The following DERL2 variants were observed in gnomAD, a reference collection of about 807,000 sequenced individuals.
The protein encoded by DERL2 is derlin-2.
DERL2 carries 13 observed loss-of-function variants against 32.0 expected under a neutral mutation model. That is an observed-to-expected ratio of 0.41 (90% CI 0.26 to 0.65). The LOEUF (loss-of-function observed/expected upper bound fraction) is 0.65. Ranked by LOEUF, DERL2 falls within the 30% of genes least tolerant of loss-of-function variation. DERL2 has a pLI of 0.35. For synonymous variants in DERL2, 111 were observed against 104.7 expected (o/e 1.06, Z -0.37); for missense variants, 208 against 296.3 (o/e 0.70, Z 2.19).
chr17:5,482,739 A>G, intron 3 of DERL2, 70 bp downstream of exon 3: 6 of 892,280 alleles, frequency 6.7e-6, no homozygotes, highest in South Asian at 4.5e-5. Context: ...TAACAGGATG[A>G]AAAGTTTCAA....
At chr17:5,486,009 T>C in intron 1 of DERL2, 60 bp downstream of exon 1, 1 of 1,509,534 alleles carries the variant, frequency 6.6e-7, no homozygotes, top group East Asian at 2.4e-5. Flanking sequence ...AACCCCAGTT[T>C]CCTGAAGACC....
intron 1 of DERL2, 27 bp downstream of exon 1, chr17:5,486,042 T>C (rs2151713477): frequency 6.3e-7 from 1 of 1,597,478 alleles, no homozygotes; most frequent in Non-Finnish European, 8.5e-7. Flanking sequence ...GCCCAGATAA[T>C]GAGAAGGTGG....
At chr17:5,486,187 C>G (rs1309207249), upstream of DERL2, 2 of 1,109,584 alleles carry the variant, frequency 1.8e-6, no homozygotes, top group Non-Finnish European at 2.4e-6. Flanking sequence ...CTGCCCCACC[C>G]CCCACCCACC....
chr17:5,481,155 A>T lies in DERL2; in HGVS notation c.327+141T>A. Reference sequence around the variant, plus strand: ...TCCTGTCCGACTGCTAGGTTTGGAAACTTGTCACAGAAAATGTGCTGTAAA... The same window carrying T: ...TCCTGTCCGACTGCTAGGTTTGGAATCTTGTCACAGAAAATGTGCTGTAAA... On this transcript the variant is annotated intron_variant, in intron 4 of 6. Transcript: ENST00000158771. The surrounding 1 kb of genome is among the most constrained non-coding windows in gnomAD (Gnocchi z 4.4). The T allele has an allele frequency of 4.1e-6, 3 of 728,148 alleles. No homozygotes were observed. Among genetic ancestry groups the T allele is most frequent in the Non-Finnish European group, 7.1e-6 (3 of 419,884 alleles). 45.1% of individuals were successfully genotyped at this position (728,148 alleles called of 1,614,324 possible).
Position 5,481,170 on chromosome 17 carries a change from T to G in DERL2, c.327+126A>C. ...AGGTTTGGAAACTTGTCACAGAAAA[T>G]GTGCTGTAAAATAAATGATAGTGCC... On this transcript the variant is annotated intron_variant, in intron 4 of 6. Coordinates refer to ENST00000158771, the MANE Select transcript of DERL2 (RefSeq NM_016041.5). The surrounding 1 kb of genome is among the most constrained non-coding windows in gnomAD (Gnocchi z 4.4). 1 of 760,612 alleles carries G rather than the reference T, an allele frequency of 1.3e-6. No individual in the cohort carries two copies. Among genetic ancestry groups the G allele is most frequent in the Non-Finnish European group, 2.3e-6 (1 of 443,250 alleles). The allele number at this position is 760,612 out of a possible 1,614,324, so 47.1% of individuals were successfully genotyped here. A position where few individuals can be genotyped will look rare whatever the true frequency, so the allele number is the denominator to read the frequency against.
intron 1 of DERL2, 142 bp downstream of exon 1, chr17:5,485,927 G>C: frequency 1.6e-6 from 1 of 610,030 alleles, no homozygotes. Context: ...GCGCCAACTC[G>C]AACCCCAGAG....
Position 5,474,760 on chromosome 17 carries a change from T to A in DERL2, c.644A>T (p.Asp215Val). ...LKAIFDTPDE[D>V]PNYNPLPEER... ...CTCAGGTAGTGGATTGTAATTTGGA[T>A]CCTCATCTGGTGTATCAAAAATAGC... is the stretch of plus-strand genomic sequence containing the variant. Residue 215 changes from aspartate to valine, a missense_variant, in exon 7 of 7, where the codon GAT (aspartate) becomes GTT (valine). Physicochemically the swap from Asp to Val is radical, Grantham distance 152. Around this residue, in one of 3 missense-constraint regions of DERL2, gnomAD observed 40 missense variants for 38.7 expected, o/e 1.03. Transcript: ENST00000158771. The surrounding 1 kb of genome is among the most constrained non-coding windows in gnomAD (Gnocchi z 4.3). 6.2e-7 allele frequency: 1 copy of A among 1,613,894 alleles called. No individual in the cohort carries two copies. Among genetic ancestry groups the A allele is most frequent in the South Asian group, 1.1e-5 (1 of 91,040 alleles).
At chr17:5,476,755 TG>T (rs1905413339) in intron 6 of DERL2, among the ~76,000 whole-genome samples, 1 of 152,122 alleles carries the variant, frequency 6.6e-6, no homozygotes, top group Non-Finnish European at 1.5e-5. Flanking sequence ...CACTCAAGCC[TG>T]GGTGACAGAG....
rs1905291709 is a variant in DERL2 at position 5,474,929 on chromosome 17, G to GT, written c.615-141dup. 2.1e-6 allele frequency: 1 copy of GT among 484,614 alleles called. No homozygotes were observed. Among genetic ancestry groups the GT allele is most frequent in the Admixed American group, 4.2e-5 (1 of 24,084 alleles). 30.0% of individuals were successfully genotyped at this position (484,614 alleles called of 1,614,324 possible). On this transcript the variant is annotated intron_variant, in intron 6 of 6. Transcript: ENST00000158771. This position sits in a 1 kb window ranked among gnomAD's most constrained non-coding sequence, Gnocchi z 4.3. ...CTGCCAATTAAACAGTTAACATATT[G>GT]TAAGAGCATCTATAATTATTAACAT...
intron 6 of DERL2, among the ~76,000 whole-genome samples, chr17:5,479,539 TC>T (rs1299178825): frequency 1.1e-5 from 1 of 92,594 alleles, no homozygotes; most frequent in Non-Finnish European, 2.5e-5. Flanking sequence ...AAGAAAGAAA[TC>T]AAAGTTCTAT....
In DERL2 at chr17:5,472,831, G is replaced by T. The variant is rs1433607120; in HGVS notation, c.*1853C>A. ...CAAACGTCACTGATAAAGCGTTCTT[G>T]AGCAAAAACAAGATAGGATAAAACT... On this transcript the variant is annotated 3_prime_UTR_variant, in exon 7 of 7. Coordinates refer to ENST00000158771, the MANE Select transcript of DERL2 (RefSeq NM_016041.5). 6.6e-6 allele frequency: 1 copy of T among 151,116 alleles called. No homozygotes were observed. Among genetic ancestry groups the T allele is most frequent in the African/African-American group, 2.4e-5 (1 of 41,168 alleles). The allele number at this position is 151,116 out of a possible 1,614,324, so 9.4% of individuals were successfully genotyped here. A position where few individuals can be genotyped will look rare whatever the true frequency, so the allele number is the denominator to read the frequency against.
At chr17:5,476,548 G>A (rs950210497) in intron 6 of DERL2, among the ~76,000 whole-genome samples, 2 of 152,132 alleles carry the variant, frequency 1.3e-5, no homozygotes, top group East Asian at 3.9e-4. Flanking sequence ...TTGGGAGGCC[G>A]AGGAGGGTGG....
At position 5,473,088 on chromosome 17, in the gene DERL2, A is replaced by G. The variant is rs1905193902; in HGVS notation, c.*1596T>C. The G allele has an allele frequency of 6.6e-6, 1 of 152,248 alleles. No homozygotes were observed. The highest frequency in any genetic ancestry group is 2.4e-5 in the African/African-American group (1 of 41,464). 9.4% of individuals were successfully genotyped at this position (152,248 alleles called of 1,614,324 possible). On this transcript the variant is annotated 3_prime_UTR_variant, in exon 7 of 7. Coordinates refer to ENST00000158771, the MANE Select transcript of DERL2 (RefSeq NM_016041.5). Reference sequence around the variant, plus strand: ...AACAATCTGAAAATTCCTATTTAGGATGTCCATTATGTTTAAGCCTATGTC... The same window carrying G: ...AACAATCTGAAAATTCCTATTTAGGGTGTCCATTATGTTTAAGCCTATGTC...
At chr17:5,485,416 A>G (rs560251131) in intron 1 of DERL2, among the ~76,000 whole-genome samples, 200 bp from the exon 2 acceptor site, 2 of 152,206 alleles carry the variant, frequency 1.3e-5, no homozygotes, top group East Asian at 1.9e-4. Context: ...CTCAATACCT[A>G]ACACAAAAAA....
upstream of DERL2, chr17:5,486,702 G>C (rs1906351782): frequency 6.5e-6 from 1 of 152,750 alleles, no homozygotes; most frequent in Non-Finnish European, 1.5e-5. Flanking sequence ...CTGCGGGGCA[G>C]CATTTTCTCT....
chr17:5,484,925 T>C (rs1487790863), intron 2 of DERL2, among the ~76,000 whole-genome samples: 1 of 152,256 alleles, frequency 6.6e-6, no homozygotes, highest in Non-Finnish European at 1.5e-5. Context: ...TTGCAAATTC[T>C]GATTTGGTAC....
At position 5,481,642 on chromosome 17, in the gene DERL2, C is replaced by G. The variant is rs770047616; in HGVS notation, c.234-253G>C. Among the ~76,000 whole-genome samples the G allele has an allele frequency of 1.3e-5, 2 of 151,770 alleles. No homozygotes were observed. Among genetic ancestry groups the G allele is most frequent in the Non-Finnish European group, 2.9e-5 (2 of 67,954 alleles). Reference sequence around the variant, plus strand: ...GATGACACACAGACATGCTTTCAGTCCCCTATTCTTTTTTTTTTTTCTTTT... The same window carrying G: ...GATGACACACAGACATGCTTTCAGTGCCCTATTCTTTTTTTTTTTTCTTTT... On this transcript the variant is annotated intron_variant, in intron 3 of 6. Transcript: ENST00000158771. The surrounding 1 kb of genome is among the most constrained non-coding windows in gnomAD (Gnocchi z 4.4).
chr17:5,479,426 G>A (rs3826509), intron 6 of DERL2, among the ~76,000 whole-genome samples: 15,046 of 137,196 alleles, frequency 0.11, 952 homozygotes, highest in East Asian at 0.28. Flanking sequence ...CCAAATTCCA[G>A]AGTAGAAAGA....
At chr17:5,476,279 T>C (rs1905373287) in intron 6 of DERL2, among the ~76,000 whole-genome samples, 1 of 152,232 alleles carries the variant, frequency 6.6e-6, no homozygotes, top group Non-Finnish European at 1.5e-5. Context: ...AAATTAGAAA[T>C]GTATCTGAAA....
Sources: gnomAD v4.1 joint callset for allele counts (sites outside exome capture counted in the v4.1 genomes callset) on GRCh38, gnomAD v4.1.1 for gene constraint, gnomAD v4.1.1 regional missense constraint, Gnocchi (gnomAD v3.1) non-coding constraint, MANE v1.5 for transcripts, NCBI Gene and HGNC (gene_info 2026-07-23, HGNC 2026-07-21) for gene names.